TPO: variants seen among roughly 807,000 people sequenced by gnomAD.
TPO encodes the protein thyroid microsomal antigen.
A neutral mutation model predicts 96.9 loss-of-function variants in TPO; 78 were observed. That is an observed-to-expected ratio of 0.81 (90% confidence interval 0.67 to 0.97). TPO has a LOEUF of 0.97. Among genes scored for constraint, TPO ranks in the 50% least tolerant of loss-of-function variants. The pLI is 0.00. For synonymous variants in TPO, 547 were observed against 538.0 expected, an observed-to-expected ratio of 1.02 and a Z score of -0.23; for missense variants, 1,252 against 1,274.8, an observed-to-expected ratio of 0.98 and a Z score of 0.27.
chr2:1,537,284 T>TC (rs1216027835), intron 15 of TPO, among the ~76,000 whole-genome samples: 5 of 62,016 alleles, frequency 8.1e-5, no homozygotes, highest in Non-Finnish European at 1.2e-4. Context: ...CCTCCCCAAA[T>TC]CCCCCCCACC....
intron 1 of TPO, among the ~76,000 whole-genome samples, chr2:1,385,733 A>C (rs1196223661): frequency 2.0e-5 from 3 of 150,342 alleles, no homozygotes; most frequent in Non-Finnish European, 4.4e-5. Flanking sequence ...CTCTGATCTT[A>C]GTTATTTCTT....
At chr2:1,382,910 T>A (rs1298045716) in intron 1 of TPO, among the ~76,000 whole-genome samples, 1 of 120,092 alleles carries the variant, frequency 8.3e-6, no homozygotes, top group East Asian at 2.8e-4. Context: ...CAGTGTGTGA[T>A]GTTCCCCTTC....
chr2:1,461,930 G>A (rs986600448), intron 7 of TPO, among the ~76,000 whole-genome samples: 2 of 152,186 alleles, frequency 1.3e-5, no homozygotes, highest in South Asian at 2.1e-4. Flanking sequence ...CGGGGGGTCC[G>A]GGCACTGGCT....
chr2:1,466,269 G>T (rs1668886582), intron 7 of TPO, among the ~76,000 whole-genome samples: 1 of 152,124 alleles, frequency 6.6e-6, no homozygotes, highest in Non-Finnish European at 1.5e-5. Context: ...TTATCTTTTT[G>T]ATATGCATTG....
intron 15 of TPO, among the ~76,000 whole-genome samples, chr2:1,534,559 CTG>C (rs572322036): frequency 1.7e-5 from 1 of 60,572 alleles, no homozygotes; most frequent in African/African-American, 6.4e-5. Context: ...CCCTACCACT[CTG>C]TGCAACTTCC....
chr2:1,528,709 C>T (rs544209946), intron 15 of TPO, among the ~76,000 whole-genome samples: 1 of 140,450 alleles, frequency 7.1e-6, no homozygotes, highest in East Asian at 2.5e-4. Context: ...GCAACCTCCC[C>T]AAATCCCACC....
chr2:1,436,230 CAT>C lies in TPO; in HGVS notation c.350-21_350-20del. The C allele has an allele frequency of 6.2e-7, 1 of 1,614,114 alleles. No individual in the cohort carries two copies. The highest frequency in any genetic ancestry group is 8.5e-7 in the Non-Finnish European group (1 of 1,180,030). ...GATTTGTGGTTACAAGCACAGAATTCATGGTTTCCTATTTTTCACAGATGCTT... is the reference window on the plus strand; with the variant it reads ...GATTTGTGGTTACAAGCACAGAATTCGGTTTCCTATTTTTCACAGATGCTT... On this transcript the variant is annotated intron_variant, in intron 4 of 16. Coordinates refer to ENST00000329066, the MANE Select transcript of TPO (RefSeq NM_001206744.2).
At chr2:1,513,517 C>T (rs1006777298) in intron 14 of TPO, 5 of 152,266 alleles carry the variant, frequency 3.3e-5, no homozygotes, top group African/African-American at 1.2e-4. Flanking sequence ...ACTCCCCTGG[C>T]CTGCGAGAGC....
At chr2:1,462,503 C>A in intron 7 of TPO, among the ~76,000 whole-genome samples, 1 of 149,832 alleles carries the variant, frequency 6.7e-6, no homozygotes, top group South Asian at 2.1e-4. Flanking sequence ...AACCCAAATA[C>A]GTGTGTGTAG....
At chr2:1,537,359 G>A (rs1395759801) in intron 15 of TPO, among the ~76,000 whole-genome samples, 4 of 81,254 alleles carry the variant, frequency 4.9e-5, no homozygotes, top group Non-Finnish European at 7.0e-5. Flanking sequence ...TTCGACCTCC[G>A]CCTATCGCCC....
At chr2:1,511,286 C>A (rs13410383) in intron 14 of TPO, among the ~76,000 whole-genome samples, 4,075 of 77,328 alleles carry the variant, frequency 0.053, 176 homozygotes, top group Non-Finnish European at 0.061. Flanking sequence ...TGCCACAGCG[C>A]AGCCCTGCAG....
chr2:1,497,740 T>C (rs1672499339), intron 13 of TPO, among the ~76,000 whole-genome samples: 2 of 152,108 alleles, frequency 1.3e-5, no homozygotes, highest in Non-Finnish European at 1.5e-5. Context: ...GGCATCAGAC[T>C]CACAGTCTCC....
At chr2:1,390,170 C>A (rs1366081712) in intron 1 of TPO, among the ~76,000 whole-genome samples, 2 of 151,974 alleles carry the variant, frequency 1.3e-5, no homozygotes, top group African/African-American at 4.8e-5. Flanking sequence ...CCCCCCCCAG[C>A]TCCCCAGCCT....
intron 2 of TPO, among the ~76,000 whole-genome samples, chr2:1,418,615 TCACCAGAACCCTGTGTATTCATCACCA>T (rs1663193452): frequency 6.6e-6 from 1 of 152,248 alleles, no homozygotes; most frequent in Admixed American, 6.5e-5. Context: ...AGAATGTTCT[TCACCAGAACCCTGTGTATTCATCACCA>T]CACAGGCTGA....
In TPO at chr2:1,375,049, G is replaced by T. The variant is rs150937341; in HGVS notation, n.180+647G>T. Among the ~76,000 whole-genome samples the T allele has an allele frequency of 5.6e-3, 847 of 151,850 alleles. 12 individuals carry two copies. The highest frequency in any genetic ancestry group is 0.02 in the African/African-American group (812 of 41,410). ...CGACCATAGATATACCTTTTCAACA[G>T]ATATTTAAGAATAGAAAAACTGAAA... On this transcript the variant is annotated intron_variant and non_coding_transcript_variant, in intron 1 of 5. Coordinates refer to the TPO transcript ENST00000497517.
At chr2:1,540,127 A>C (rs1390726042) in intron 15 of TPO, among the ~76,000 whole-genome samples, 2 of 151,874 alleles carry the variant, frequency 1.3e-5, no homozygotes, top group Non-Finnish European at 2.9e-5. Context: ...CTCCTCTGGG[A>C]CGGCGCTTCC....
chr2:1,478,075 A>G (rs986581707), intron 8 of TPO: 4 of 985,452 alleles, frequency 4.1e-6, no homozygotes, highest in Admixed American at 6.1e-5. Flanking sequence ...TTTGTATTTC[A>G]GAGACAGTGC....
chr2:1,487,735 T>C, intron 9 of TPO, 86 bp from the exon 10 acceptor site: 1 of 1,531,956 alleles, frequency 6.5e-7, no homozygotes, highest in Non-Finnish European at 8.9e-7. Flanking sequence ...TGAGACTCCG[T>C]CTCAAAAAAA....
At chr2:1,407,184 G>T (rs1662260797) in intron 1 of TPO, among the ~76,000 whole-genome samples, 1 of 152,134 alleles carries the variant, frequency 6.6e-6, no homozygotes, top group Non-Finnish European at 1.5e-5. Flanking sequence ...TTGACAAATT[G>T]TATGTGTACT....
Sources: allele counts gnomAD v4.1 joint callset (sites outside exome capture counted in the v4.1 genomes callset), GRCh38; gene constraint gnomAD v4.1.1; transcripts MANE v1.5; gene names NCBI Gene and HGNC (gene_info 2026-07-23, HGNC 2026-07-21).